MAEA: variants seen among roughly 807,000 people sequenced by gnomAD.
The protein encoded by MAEA is E3 ubiquitin-protein transferase MAEA.
MAEA carries 22 observed loss-of-function variants against 46.2 expected under a neutral mutation model. That is an observed-to-expected ratio of 0.48 (90% CI 0.34 to 0.68). The LOEUF (loss-of-function observed/expected upper bound fraction) is 0.68, where lower values mean the gene tolerates loss of function less well. Among genes scored for constraint, MAEA ranks in the 30% least tolerant of loss-of-function variants. The pLI is 0.01. For missense variants in MAEA, 393 were observed against 558.1 expected, an observed-to-expected ratio of 0.70 and a Z score of 2.98; for synonymous variants, 246 against 222.6, an observed-to-expected ratio of 1.11 and a Z score of -0.94.
At chr4:1,327,519 T>A (rs909788545) in intron 4 of MAEA, 108 bp from the exon 5 acceptor site, 6 of 798,662 alleles carry the variant, frequency 7.5e-6, no homozygotes, top group Non-Finnish European at 1.3e-5. Context: ...AGAGAGGGGT[T>A]CAGAGCTTTG....
At chr4:1,297,484 T>G (rs532753666) in intron 1 of MAEA, among the ~76,000 whole-genome samples, 1 of 152,090 alleles carries the variant, frequency 6.6e-6, no homozygotes, top group Non-Finnish European at 1.5e-5. Context: ...TACATACATA[T>G]AGAGAGAGAG....
intron 1 of MAEA, among the ~76,000 whole-genome samples, chr4:1,308,804 G>C (rs1736090207): frequency 6.6e-6 from 1 of 152,180 alleles, no homozygotes; most frequent in Admixed American, 6.5e-5. Flanking sequence ...AGTGCATTCT[G>C]GATAGTAGCT....
chr4:1,290,808 A>T (rs921832889), intron 1 of MAEA, among the ~76,000 whole-genome samples: 6 of 152,204 alleles, frequency 3.9e-5, no homozygotes, highest in African/African-American at 1.4e-4. Context: ...AGGATGCAGT[A>T]TGGCCAGGTT....
At chr4:1,326,410 C>T (rs190533858) in intron 4 of MAEA, among the ~76,000 whole-genome samples, 11 of 152,316 alleles carry the variant, frequency 7.2e-5, no homozygotes, top group Admixed American at 5.2e-4. Context: ...GAAGATCTTA[C>T]GGTTTAGACG....
At chr4:1,336,511 C>T (rs757021622) in intron 6 of MAEA, among the ~76,000 whole-genome samples, 31 of 152,132 alleles carry the variant, frequency 2.0e-4, no homozygotes, top group Non-Finnish European at 2.8e-4. Flanking sequence ...TAAGTCAGCA[C>T]TTGTCCCGCA....
chr4:1,338,168 ACT>A, intron 7 of MAEA: 3 of 462,044 alleles, frequency 6.5e-6, no homozygotes, highest in Non-Finnish European at 1.2e-5. Context: ...CGACGGAGCC[ACT>A]CTGTGCCTGT....
At chr4:1,335,558 A>G (rs1712639364) in intron 6 of MAEA, 1 of 873,100 alleles carries the variant, frequency 1.1e-6, no homozygotes, top group African/African-American at 1.8e-5. Context: ...CACTGGCCCC[A>G]CAGTGTGTTG....
chr4:1,297,879 C>T (rs1014336139), intron 1 of MAEA: 7 of 413,908 alleles, frequency 1.7e-5, no homozygotes, highest in South Asian at 3.4e-5. Flanking sequence ...CAGCCTCTTG[C>T]GTTTCCTTTC....
At chr4:1,291,059 C>T (rs566382191) in intron 1 of MAEA, among the ~76,000 whole-genome samples, 22 of 152,320 alleles carry the variant, frequency 1.4e-4, no homozygotes, top group African/African-American at 5.3e-4. Flanking sequence ...ATTAAAAGGT[C>T]CCTGCTACAG....
At chr4:1,294,773 T>TC in intron 1 of MAEA, among the ~76,000 whole-genome samples, 1 of 108,254 alleles carries the variant, frequency 9.2e-6, no homozygotes, top group Admixed American at 1.2e-4. Flanking sequence ...GAGGTTGAGG[T>TC]GATGTTGGAC....
chr4:1,294,875 G>C (rs535997693), intron 1 of MAEA, among the ~76,000 whole-genome samples: 7 of 152,158 alleles, frequency 4.6e-5, no homozygotes, highest in African/African-American at 1.4e-4. Context: ...GATATTGTGA[G>C]CTGGTTGGCG....
intron 6 of MAEA, among the ~76,000 whole-genome samples, chr4:1,334,269 C>A (rs1712440123): frequency 6.6e-6 from 1 of 150,488 alleles, no homozygotes; most frequent in Non-Finnish European, 1.5e-5. Context: ...GAGCCTGGCA[C>A]CAGTCTCTGT....
At chr4:1,324,261 T>TA (rs1237823203) in intron 4 of MAEA, among the ~76,000 whole-genome samples, 3 of 142,126 alleles carry the variant, frequency 2.1e-5, no homozygotes, top group East Asian at 2.1e-4. Context: ...TGGTGTTGGA[T>TA]GAGTTGAGAT....
chr4:1,312,771 T>G (rs1277485696), intron 2 of MAEA, among the ~76,000 whole-genome samples: 1 of 152,174 alleles, frequency 6.6e-6, no homozygotes, highest in Middle Eastern at 3.2e-3. Flanking sequence ...AAGGAGCATG[T>G]GGAGTTCCTT....
At chr4:1,335,035 C>CT (rs1712562596) in intron 6 of MAEA, 3 of 985,312 alleles carry the variant, frequency 3.0e-6, no homozygotes, top group African/African-American at 1.7e-5. Context: ...GTGTGGCCGT[C>CT]TCCCCCCAAG....
At chr4:1,298,417 C>T (rs552868047) in intron 1 of MAEA, among the ~76,000 whole-genome samples, 4 of 152,006 alleles carry the variant, frequency 2.6e-5, no homozygotes, top group Admixed American at 1.3e-4. Context: ...TGGTTATCCA[C>T]GAAGAGGCAC....
chr4:1,328,268 C>G (rs566904710), intron 5 of MAEA, among the ~76,000 whole-genome samples: 109 of 152,232 alleles, frequency 7.2e-4, no homozygotes, highest in Non-Finnish European at 1.3e-3. Flanking sequence ...CTGGCTGTCA[C>G]TGTGGCTCAG....
intron 3 of MAEA, among the ~76,000 whole-genome samples, chr4:1,316,683 G>A (rs1485930936): frequency 4.6e-5 from 7 of 152,106 alleles, no homozygotes. Context: ...ACCCACATGT[G>A]TGTGGCTCCC....
At chr4:1,327,179 T>C (rs1415075833) in intron 4 of MAEA, among the ~76,000 whole-genome samples, 1 of 152,240 alleles carries the variant, frequency 6.6e-6, no homozygotes, top group African/African-American at 2.4e-5. Context: ...GCACCCAGTC[T>C]ACATTCGGGA....
Sources: allele counts gnomAD v4.1 joint callset (sites outside exome capture counted in the v4.1 genomes callset), GRCh38; gene constraint gnomAD v4.1.1; transcripts MANE v1.5; gene names NCBI Gene and HGNC (gene_info 2026-07-23, HGNC 2026-07-21).